The following SAMMSON variants were observed in gnomAD, a reference collection of about 807,000 sequenced individuals.
SAMMSON encodes long intergenic non-protein coding RNA 1212.
At chr3:70,088,642 C>T (rs1204881804) in intron 4 of SAMMSON, among the ~76,000 whole-genome samples, 1 of 152,210 alleles carries the variant, frequency 6.6e-6, no homozygotes, top group East Asian at 1.9e-4. Flanking sequence ...GATGAGCTAT[C>T]GTCATTCAGT....
At chr3:70,098,751 A>G (rs1048938724) in intron 4 of SAMMSON, among the ~76,000 whole-genome samples, 2 of 152,170 alleles carry the variant, frequency 1.3e-5, no homozygotes, top group Non-Finnish European at 2.9e-5. Flanking sequence ...CTATGTCCCT[A>G]TCACCCTGCT....
chr3:70,102,983 C>A (rs1192530108), intron 4 of SAMMSON, among the ~76,000 whole-genome samples: 4 of 152,044 alleles, frequency 2.6e-5, no homozygotes, highest in Non-Finnish European at 5.9e-5. Context: ...TACTAAAAAC[C>A]ATTTTTCTAC....
intron 2 of SAMMSON, among the ~76,000 whole-genome samples, chr3:70,423,860 G>T (rs1290774353): frequency 6.6e-6 from 1 of 152,150 alleles, no homozygotes; most frequent in Non-Finnish European, 1.5e-5. Flanking sequence ...CAACAATTTG[G>T]AAATGGGCAA....
At chr3:70,387,076 C>T (rs573737306) in intron 9 of SAMMSON, among the ~76,000 whole-genome samples, 1 of 151,998 alleles carries the variant, frequency 6.6e-6, no homozygotes, top group African/African-American at 2.4e-5. Context: ...AGTAGGGGGA[C>T]ATGGCAAGGA....
At chr3:70,403,199 C>T (rs1489527854) in intron 2 of SAMMSON, among the ~76,000 whole-genome samples, 2 of 152,142 alleles carry the variant, frequency 1.3e-5, no homozygotes, top group Non-Finnish European at 2.9e-5. Context: ...CATTCCTACC[C>T]TGCCCTGTGC....
At chr3:70,308,175 C>G (rs1311222968) in intron 7 of SAMMSON, among the ~76,000 whole-genome samples, 2 of 152,094 alleles carry the variant, frequency 1.3e-5, no homozygotes, top group African/African-American at 2.4e-5. Context: ...CTCAGTCTGT[C>G]TAGTAGTTGG....
rs560597363 is a variant in SAMMSON, at chr3:70,288,888, C to G, written n.675-2291C>G. 2.6e-5 allele frequency among the ~76,000 whole-genome samples: 4 copies of G among 151,364 alleles called. No individual in the cohort carries two copies. In the South Asian group the frequency reaches 8.4e-4, roughly 32 times the overall value. On this transcript the variant is annotated intron_variant and non_coding_transcript_variant, in intron 6 of 9. Transcript: ENST00000642114. ...CAGAGACTAGGATTGCAACCCCTGC[C>G]TTTTTTTGTTTTCCATTTGCTTGGT...
At chr3:70,160,927 C>T (rs1357678814) in intron 4 of SAMMSON, among the ~76,000 whole-genome samples, 1 of 151,838 alleles carries the variant, frequency 6.6e-6, no homozygotes, top group Non-Finnish European at 1.5e-5. Context: ...ATATCTTATT[C>T]TTTTTGATGC....
intron 9 of SAMMSON, among the ~76,000 whole-genome samples, chr3:70,362,383 C>T (rs1702878837): frequency 6.6e-6 from 1 of 152,066 alleles, no homozygotes; most frequent in Non-Finnish European, 1.5e-5. Flanking sequence ...CTTTCTTTCC[C>T]TTGTGGAGCC....
At chr3:70,136,944 T>C (rs976626487) in intron 4 of SAMMSON, among the ~76,000 whole-genome samples, 6 of 152,226 alleles carry the variant, frequency 3.9e-5, no homozygotes, top group South Asian at 2.1e-4. Flanking sequence ...AGAGTCTTTA[T>C]GTGTATATGA....
chr3:70,014,416 G>T (rs966615855), intron 3 of SAMMSON: 14 of 152,296 alleles, frequency 9.2e-5, no homozygotes, highest in East Asian at 1.9e-4. Context: ...CTTCAGAAAG[G>T]TTGCCTGCTT....
At chr3:70,204,443 T>C (rs1374596587) in intron 4 of SAMMSON, 1 of 152,180 alleles carries the variant, frequency 6.6e-6, no homozygotes, top group Non-Finnish European at 1.5e-5. Context: ...TCACTCTTTG[T>C]GGGTCTTAGG....
intron 4 of SAMMSON, among the ~76,000 whole-genome samples, chr3:70,129,823 G>A (rs958512041): frequency 6.6e-6 from 1 of 152,052 alleles, no homozygotes; most frequent in African/African-American, 2.4e-5. Flanking sequence ...ACTTTGTTCT[G>A]CCACTTTGAA....
At chr3:70,420,106 G>A (rs1421081007) in intron 2 of SAMMSON, among the ~76,000 whole-genome samples, 1 of 152,176 alleles carries the variant, frequency 6.6e-6, no homozygotes, top group African/African-American at 2.4e-5. Context: ...GAATTTTCTG[G>A]CTCAGTGTCC....
At chr3:70,228,677 C>G (rs930311149) in intron 4 of SAMMSON, among the ~76,000 whole-genome samples, 1 of 142,716 alleles carries the variant, frequency 7.0e-6, no homozygotes. Flanking sequence ...AAATTGAAAA[C>G]AAAATAACAG....
chr3:70,178,904 G>C (rs1249858254), intron 4 of SAMMSON, among the ~76,000 whole-genome samples: 1 of 152,090 alleles, frequency 6.6e-6, no homozygotes, highest in Non-Finnish European at 1.5e-5. Flanking sequence ...GGGAGGCTGA[G>C]GTAGGAGAAT....
chr3:70,132,105 A>T (rs2067485196), intron 4 of SAMMSON, among the ~76,000 whole-genome samples: 1 of 151,994 alleles, frequency 6.6e-6, no homozygotes, highest in Admixed American at 6.6e-5. Context: ...CCCTCACTAA[A>T]CACCGTTAGG....
At chr3:70,035,422 G>A (rs2067081702) in intron 3 of SAMMSON, among the ~76,000 whole-genome samples, 1 of 152,176 alleles carries the variant, frequency 6.6e-6, no homozygotes, top group African/African-American at 2.4e-5. Context: ...CAACTGATCA[G>A]TAACTTTAGT....
At chr3:70,199,950 A>C (rs2106719116) in intron 4 of SAMMSON, among the ~76,000 whole-genome samples, 1 of 152,270 alleles carries the variant, frequency 6.6e-6, no homozygotes, top group African/African-American at 2.4e-5. Context: ...CTCTCTCCCC[A>C]GTCCTACAAA....
Sources: allele counts gnomAD v4.1 joint callset (sites outside exome capture counted in the v4.1 genomes callset), GRCh38; gene constraint gnomAD v4.1.1; transcripts MANE v1.5; gene names NCBI Gene and HGNC (gene_info 2026-07-23, HGNC 2026-07-21).